ANKRD28: variants seen among roughly 807,000 people sequenced by gnomAD.
ANKRD28 encodes the protein ankyrin repeat domain 28.
Under a neutral mutation model 126.5 loss-of-function variants are expected in ANKRD28, and 44 were observed. The ratio of observed to expected loss-of-function variants is 0.35; its 90% CI spans 0.27 to 0.45. The LOEUF (loss-of-function observed/expected upper bound fraction) is 0.45, where lower values mean the gene tolerates loss of function less well. ANKRD28 is among the 20% of genes least tolerant of loss of function. The probability of loss-of-function intolerance (pLI) is 1.00; values close to 1 mark genes in which losing one functional copy is unlikely to be tolerated. For synonymous variants in ANKRD28, 442 were observed against 468.5 expected (o/e 0.94, Z 0.73); for missense variants, 1,110 against 1,316.6 (o/e 0.84, Z 2.43).
intron 3 of ANKRD28, among the ~76,000 whole-genome samples, chr3:15,765,149 A>G (rs1018153374): frequency 4.6e-5 from 7 of 152,256 alleles, no homozygotes; most frequent in Non-Finnish European, 1.0e-4. Flanking sequence ...CCCAATAAAT[A>G]TCATTACAAT....
intron 8 of ANKRD28, among the ~76,000 whole-genome samples, chr3:15,717,432 C>A (rs928054823): frequency 3.3e-5 from 5 of 151,814 alleles, no homozygotes; most frequent in African/African-American, 1.2e-4. Context: ...GGGGAGAAGG[C>A]ACAGTTATTT....
intron 4 of ANKRD28, among the ~76,000 whole-genome samples, chr3:15,749,134 C>T (rs544876710): frequency 6.0e-5 from 7 of 115,822 alleles, no homozygotes; most frequent in East Asian, 7.9e-4. Flanking sequence ...GACGGAGTCT[C>T]GCTCTGTCGC....
intron 5 of ANKRD28, among the ~76,000 whole-genome samples, chr3:15,736,549 T>A (rs952722293): frequency 2.0e-5 from 3 of 152,208 alleles, no homozygotes; most frequent in Non-Finnish European, 4.4e-5. Context: ...GGTGTACACA[T>A]AAACCCCAAT....
chr3:15,673,259 AT>A (rs1268877575), intron 27 of ANKRD28, among the ~76,000 whole-genome samples: 2 of 152,218 alleles, frequency 1.3e-5, no homozygotes, highest in Non-Finnish European at 2.9e-5. Context: ...CAATTAAACT[AT>A]TTTAAGTGCA....
chr3:15,767,213 G>C lies in ANKRD28; in HGVS notation c.202-901C>G, dbSNP rs536934547. ...AAAACAACAGTGCTCTCCAGTTCAA[G>C]ATGCAAGATTTTAGAGTAATGTCAC... is the stretch of plus-strand genomic sequence containing the variant. On this transcript the variant is annotated intron_variant, in intron 2 of 27. Transcript: ENST00000683139. Among the ~76,000 whole-genome samples the C allele has an allele frequency of 7.2e-5, 11 of 152,198 alleles. No individual in the cohort carries two copies. The East Asian group carries it at 2.1e-3, about 29-fold the overall frequency.
rs2061388340 is a variant in ANKRD28 at position 15,839,489 on chromosome 3, G to C, written c.27+19888C>G. ...CAATGAAAACTATAATCACATTTCA[G>C]AATCAATGTGGCTCAGATAGAGGGC... On this transcript the variant is annotated intron_variant, in intron 1 of 27. Coordinates refer to the ANKRD28 transcript ENST00000399451. This position sits in a 1 kb window ranked among gnomAD's most constrained non-coding sequence, Gnocchi z 4.3. 6.6e-6 allele frequency among the ~76,000 whole-genome samples: 1 copy of C among 152,088 alleles called. No homozygotes were observed. Among genetic ancestry groups the C allele is most frequent in the African/African-American group, 2.4e-5 (1 of 41,410 alleles).
intron 1 of ANKRD28, among the ~76,000 whole-genome samples, chr3:15,850,168 A>G (rs1370246009): frequency 1.4e-5 from 2 of 140,986 alleles, no homozygotes; most frequent in African/African-American, 2.6e-5. Context: ...TGGCACTGGG[A>G]CAACTGGGTA....
At chr3:15,731,874 A>AGGGGG in intron 6 of ANKRD28, 1 of 59,082 alleles carries the variant, frequency 1.7e-5, no homozygotes, top group Admixed American at 2.7e-4. Flanking sequence ...AAAAAAAAAA[A>AGGGGG]GGGGGGGGGG....
At chr3:15,850,324 T>A (rs1054374400) in intron 1 of ANKRD28, among the ~76,000 whole-genome samples, 12 of 149,710 alleles carry the variant, frequency 8.0e-5, no homozygotes, top group Non-Finnish European at 1.6e-4. Flanking sequence ...CAGCCCTAAA[T>A]GTAAGAGCTA....
rs940613311 is a variant in ANKRD28, at chr3:15,854,282, C to T, written c.27+5095G>A. ...TAATTTATCTTCTCTTTTCCAACTA[C>T]ACACTCCAATCAAGACTATCTCCTG... On this transcript the variant is annotated intron_variant, in intron 1 of 27. Coordinates refer to the ANKRD28 transcript ENST00000399451. This position sits in a 1 kb window ranked among gnomAD's most constrained non-coding sequence, Gnocchi z 4.1. 1.3e-5 allele frequency among the ~76,000 whole-genome samples: 2 copies of T among 152,214 alleles called. No individual in the cohort carries two copies. The highest frequency in any genetic ancestry group is 2.9e-5 in the Non-Finnish European group (2 of 68,036).
At chr3:15,842,096 T>C (rs2061435424) in intron 1 of ANKRD28, among the ~76,000 whole-genome samples, 2 of 149,168 alleles carry the variant, frequency 1.3e-5, no homozygotes, top group Non-Finnish European at 3.0e-5. Context: ...TATTTTATAA[T>C]AATTGATATA....
At chr3:15,675,853 G>C (rs763637080) in intron 27 of ANKRD28, 45 bp downstream of exon 27, 1 of 1,440,948 alleles carries the variant, frequency 6.9e-7, no homozygotes, top group Admixed American at 2.1e-5. Context: ...TGGATCAAAA[G>C]ATAAAAGCTC....
rs568259819 is a variant in ANKRD28, at chr3:15,751,901, T to A, written c.281-81A>T. On this transcript the variant is annotated intron_variant, in intron 3 of 27. Transcript: ENST00000683139. ...AATCTCCTGAAATAGTAGTTATATA[T>A]AATCCAAATTGGATAAATGACAATT... 51 of 901,818 alleles carry A rather than the reference T, an allele frequency of 5.7e-5. 1 individual carries two copies. In the South Asian group the frequency reaches 8.6e-4, roughly 15 times the overall value. The allele number at this position is 901,818 out of a possible 1,614,324, so 55.9% of individuals were successfully genotyped here. A position where few individuals can be genotyped will look rare whatever the true frequency, so the allele number is the denominator to read the frequency against.
chr3:15,858,349 GT>G (rs2061819848), intron 1 of ANKRD28, among the ~76,000 whole-genome samples: 4 of 152,300 alleles, frequency 2.6e-5, no homozygotes, highest in African/African-American at 9.6e-5. Flanking sequence ...GATACACAAG[GT>G]CTGCGATCAG....
rs2061392071 is a variant in ANKRD28 at position 15,839,662 on chromosome 3, A to G, written c.27+19715T>C. 6.6e-6 allele frequency among the ~76,000 whole-genome samples: 1 copy of G among 152,170 alleles called. No homozygotes were observed. The highest frequency in any genetic ancestry group is 6.5e-5 in the Admixed American group (1 of 15,284). On this transcript the variant is annotated intron_variant, in intron 1 of 27. Coordinates refer to the ANKRD28 transcript ENST00000399451. This position sits in a 1 kb window ranked among gnomAD's most constrained non-coding sequence, Gnocchi z 4.3. ...AAAAAATCCTCAACAAAATACTAGC[A>G]AACCAAATTCAACAACACACTAAAA...
At chr3:15,673,339 T>G (rs1575073487) in intron 27 of ANKRD28, among the ~76,000 whole-genome samples, 2 of 152,236 alleles carry the variant, frequency 1.3e-5, no homozygotes, top group East Asian at 3.8e-4. Context: ...TTACACTATA[T>G]CATCAGAAGT....
At chr3:15,818,518 G>C (rs2060879429) in intron 1 of ANKRD28, among the ~76,000 whole-genome samples, 1 of 152,088 alleles carries the variant, frequency 6.6e-6, no homozygotes. Context: ...AACACATCTA[G>C]TCCCAAGCAT....
chr3:15,690,352 C>T (rs1367058466), intron 17 of ANKRD28, 132 bp from the exon 18 acceptor site: 5 of 738,962 alleles, frequency 6.8e-6, no homozygotes, highest in Non-Finnish European at 1.1e-5. Context: ...ACTTCTACAT[C>T]GAGAATTCAG....
At chr3:15,688,611 A>T (rs2068425783) in intron 18 of ANKRD28, among the ~76,000 whole-genome samples, 1 of 152,218 alleles carries the variant, frequency 6.6e-6, no homozygotes, top group African/African-American at 2.4e-5. Flanking sequence ...TGGGAGTAAC[A>T]GTGGGTGTTA....
Sources: gnomAD v4.1 joint callset for allele counts (sites outside exome capture counted in the v4.1 genomes callset) on GRCh38, gnomAD v4.1.1 for gene constraint, Gnocchi (gnomAD v3.1) non-coding constraint, MANE v1.5 for transcripts, NCBI Gene and HGNC (gene_info 2026-07-23, HGNC 2026-07-21) for gene names.